GBF1: variants seen among roughly 807,000 people sequenced by gnomAD.
GBF1 encodes the protein golgi brefeldin A resistant guanine nucleotide exchange factor 1.
Under a neutral mutation model 210.5 loss-of-function variants are expected in GBF1, and 114 were observed. The observed-to-expected ratio is 0.54, with a 90% confidence interval of 0.47 to 0.63. GBF1 has a LOEUF of 0.63. Among genes scored for constraint, GBF1 ranks in the 30% least tolerant of loss-of-function variants. The pLI, the probability that GBF1 is intolerant of heterozygous loss-of-function variation, is 0.00. For synonymous variants in GBF1, 850 were observed against 889.2 expected (o/e 0.96, Z 0.78); for missense variants, 1,851 against 2,357.7 (o/e 0.79, Z 4.45).
intron 3 of GBF1, among the ~76,000 whole-genome samples, chr10:102,285,948 T>C (rs1417154382): frequency 6.6e-6 from 1 of 152,140 alleles, no homozygotes; most frequent in Admixed American, 6.5e-5. Flanking sequence ...TACATTTTAG[T>C]GTTTATTGCT....
intron 3 of GBF1, among the ~76,000 whole-genome samples, chr10:102,295,030 A>G (rs984001921): frequency 5.9e-5 from 9 of 152,226 alleles, no homozygotes; most frequent in African/African-American, 2.2e-4. Context: ...TAATCCCAAG[A>G]GGCAACTTCT....
chr10:102,351,310 C>A lies in GBF1; in HGVS notation c.350C>A (p.Thr117Asn). Residue 117 changes from threonine (T) to asparagine (N), a missense_variant, in exon 5 of 40, where the codon ACC (threonine) becomes AAC (asparagine). This residue lies in a region of GBF1 where 804 missense variants were observed against 958.6 expected (regional missense o/e 0.84). Transcript: ENST00000369983. ...EGMENMADAV[T>N]HARFVGTDPA... ...ATGGAGAACATGGCAGATGCTGTCACCCATGCTCGTTTTGTGGGCACGGAT... is the reference window on the plus strand; with the variant it reads ...ATGGAGAACATGGCAGATGCTGTCAACCATGCTCGTTTTGTGGGCACGGAT... 2.5e-6 allele frequency: 4 copies of A among 1,612,280 alleles called. No homozygotes were observed. Among genetic ancestry groups the A allele is most frequent in the Non-Finnish European group, 3.4e-6 (4 of 1,178,324 alleles).
rs758089276 is a variant in GBF1 at position 102,381,088 on chromosome 10, G to A, written c.5174-39G>A. ...GCTAGGGCTCTGCTGGAGAGAGAAAGCACTAAGAGGTGCCATCTCAATTCT... is the reference window on the plus strand; with the variant it reads ...GCTAGGGCTCTGCTGGAGAGAGAAAACACTAAGAGGTGCCATCTCAATTCT... On this transcript the variant is annotated intron_variant, in intron 38 of 39. Coordinates refer to ENST00000369983, the MANE Select transcript of GBF1 (RefSeq NM_001377137.1). 8.1e-6 allele frequency: 13 copies of A among 1,601,598 alleles called. No homozygotes were observed. In the South Asian group the frequency reaches 1.2e-4, roughly 15 times the overall value.
intron 3 of GBF1, among the ~76,000 whole-genome samples, chr10:102,287,839 A>T (rs1410798612): frequency 1.3e-5 from 2 of 152,318 alleles, no homozygotes; most frequent in East Asian, 3.9e-4. Flanking sequence ...AAATACATAA[A>T]GATGTAATCA....
intron 1 of GBF1, among the ~76,000 whole-genome samples, chr10:102,251,329 C>G (rs2071501288): frequency 6.6e-6 from 1 of 151,860 alleles, no homozygotes; most frequent in Admixed American, 6.6e-5. Context: ...AGTCATTTTT[C>G]TCATGAGGTG....
intron 4 of GBF1, among the ~76,000 whole-genome samples, chr10:102,345,646 C>CAA (rs59037566): frequency 1.2e-3 from 22 of 17,980 alleles, no homozygotes; most frequent in Non-Finnish European, 1.9e-3. Flanking sequence ...GACTCCGTCT[C>CAA]AAAAAAAAAA....
intron 3 of GBF1, among the ~76,000 whole-genome samples, chr10:102,342,270 C>T (rs1422415778): frequency 6.6e-6 from 1 of 152,042 alleles, no homozygotes; most frequent in Non-Finnish European, 1.5e-5. Flanking sequence ...ATCTCCTGAC[C>T]TCGTGATGCG....
intron 3 of GBF1, among the ~76,000 whole-genome samples, chr10:102,285,324 A>G (rs2075844832): frequency 6.6e-6 from 1 of 152,238 alleles, no homozygotes; most frequent in African/African-American, 2.4e-5. Flanking sequence ...GTTTGCTTAC[A>G]CATTACCAGC....
chr10:102,272,218 C>T (rs1166406443), intron 3 of GBF1, among the ~76,000 whole-genome samples: 1 of 152,100 alleles, frequency 6.6e-6, no homozygotes, highest in Non-Finnish European at 1.5e-5. Context: ...GATTCTCCTG[C>T]CTCAGCCTCC....
chr10:102,234,373 C>A, the GBF1 span, among the ~76,000 whole-genome samples: 1 of 152,082 alleles, frequency 6.6e-6, no homozygotes, highest in Non-Finnish European at 1.5e-5. Context: ...AGATCTTGGA[C>A]CTTTTATTGG....
Position 102,361,761 on chromosome 10 carries a change from C to G in GBF1, c.1535C>G (p.Pro512Arg). 6.2e-7 allele frequency: 1 copy of G among 1,612,256 alleles called. No individual in the cohort carries two copies. Among genetic ancestry groups the G allele is most frequent in the Non-Finnish European group, 8.5e-7 (1 of 1,179,180 alleles). Residue 512 changes from proline to arginine, a missense_variant, in exon 14 of 40, where the codon CCC (proline) becomes CGC (arginine). This residue lies in a region of GBF1 where 804 missense variants were observed against 958.6 expected (regional missense o/e 0.84). Coordinates refer to ENST00000369983, the MANE Select transcript of GBF1 (RefSeq NM_001377137.1). The stretch of plus-strand genomic sequence containing the variant: ...ATGGAGATCATCACTGTGGAGAACC[C>G]CAAGATGCCTTATGAGATGAAGGAG... ...KLMEIITVEN[P>R]KMPYEMKEMA...
chr10:102,356,537 G>C (rs1334598582), intron 8 of GBF1, among the ~76,000 whole-genome samples: 1 of 151,968 alleles, frequency 6.6e-6, no homozygotes, highest in African/African-American at 2.4e-5. Context: ...AGGCCAAGGC[G>C]GGCGGATCAC....
chr10:102,379,945 G>A lies in GBF1; in HGVS notation c.4869G>A (p.Leu1623=), dbSNP rs748469133. 1.1e-5 allele frequency: 18 copies of A among 1,602,032 alleles called. No homozygotes were observed. Among genetic ancestry groups the A allele is most frequent in the Admixed American group, 1.0e-4 (6 of 59,786 alleles). Residue 1623 remains leucine, a synonymous_variant, in exon 36 of 40, where the codon TTG becomes TTA. Transcript: ENST00000369983. ...AGACCCGGATGAGGGCTTCCACATT[G>A]CTCTCTAAGGTACTGCTCACCACCC... ...MEETRMRAST[L]LSKVFLQHLS...
intron 3 of GBF1, among the ~76,000 whole-genome samples, chr10:102,340,756 G>T (rs2058130906): frequency 6.6e-6 from 1 of 152,144 alleles, no homozygotes; most frequent in African/African-American, 2.4e-5. Flanking sequence ...GAAACAGTAG[G>T]AAATTCTTAG....
chr10:102,378,154 C>T (rs1315430645), intron 33 of GBF1, among the ~76,000 whole-genome samples: 1 of 150,338 alleles, frequency 6.7e-6, no homozygotes, highest in African/African-American at 2.5e-5. Context: ...GGAGGCAGAG[C>T]TTGCAGTGAG....
At chr10:102,299,387 C>G (rs1322012241) in intron 3 of GBF1, among the ~76,000 whole-genome samples, 1 of 152,118 alleles carries the variant, frequency 6.6e-6, no homozygotes, top group Non-Finnish European at 1.5e-5. Flanking sequence ...TCTGTATCCT[C>G]ATTGTGGTAG....
At chr10:102,230,728 G>A in the GBF1 span, 1 of 1,518,100 alleles carries the variant, frequency 6.6e-7, no homozygotes, top group Non-Finnish European at 8.8e-7. Context: ...CACGGCCCCG[G>A]AGGACACGGC....
intron 8 of GBF1, among the ~76,000 whole-genome samples, chr10:102,355,338 GCT>G (rs2059233188): frequency 6.6e-6 from 1 of 152,208 alleles, no homozygotes; most frequent in Non-Finnish European, 1.5e-5. Flanking sequence ...TCAAGCTGCA[GCT>G]CTCATTAGTG....
Position 102,365,438 on chromosome 10 carries a change from G to A in GBF1, c.2148G>A (p.Lys716=), listed in dbSNP as rs1370224200. The change falls in exon 18 of 40, where the codon AAG becomes AAA. Residue 716 remains lysine (K), a synonymous_variant. Transcript: ENST00000369983. The stretch of plus-strand genomic sequence containing the variant: ...CAGAGCAGTTCAATCAGAAACCAAA[G>A]AAGGGGATTCAGTTTCTGCAAGAGA... ...TGTEQFNQKP[K]KGIQFLQEKG... is the part of the protein sequence containing the mutation. The A allele has an allele frequency of 6.2e-7, 1 of 1,614,142 alleles. No homozygotes were observed. The highest frequency in any genetic ancestry group is 8.5e-7 in the Non-Finnish European group (1 of 1,179,966).
Sources: gnomAD v4.1 joint callset for allele counts (sites outside exome capture counted in the v4.1 genomes callset) on GRCh38, gnomAD v4.1.1 for gene constraint, gnomAD v4.1.1 regional missense constraint, MANE v1.5 for transcripts, NCBI Gene and HGNC (gene_info 2026-07-23, HGNC 2026-07-21) for gene names.